The following WDR70 variants were observed in gnomAD, a reference collection of about 807,000 sequenced individuals.
The protein encoded by WDR70 is WD repeat-containing protein 70.
In WDR70, 53 loss-of-function variants were observed where a neutral mutation model predicts 88.6. The ratio of observed to expected loss-of-function variants is 0.60; its 90% CI spans 0.48 to 0.75. The LOEUF (loss-of-function observed/expected upper bound fraction) is 0.75. WDR70 is among the 30% of genes least tolerant of loss of function. The pLI is 0.00. For synonymous variants in WDR70, 280 were observed against 270.0 expected (o/e 1.04, Z -0.36); for missense variants, 610 against 823.2 (o/e 0.74, Z 3.17).
intron 8 of WDR70, among the ~76,000 whole-genome samples, chr5:37,485,738 C>T: frequency 6.6e-6 from 1 of 151,892 alleles, no homozygotes; most frequent in East Asian, 1.9e-4. Context: ...GTTGCTCAGG[C>T]TGGAGTGCAG....
At chr5:37,540,635 C>A (rs1029776994) in intron 9 of WDR70, among the ~76,000 whole-genome samples, 2 of 152,236 alleles carry the variant, frequency 1.3e-5, no homozygotes, top group Admixed American at 1.3e-4. Flanking sequence ...CCGCCTCGGC[C>A]TCCCAAAGTG....
At chr5:37,459,111 T>TATCTACAACTATCTGA (rs1359137500) in intron 7 of WDR70, among the ~76,000 whole-genome samples, 11 of 46,426 alleles carry the variant, frequency 2.4e-4, no homozygotes, top group East Asian at 7.4e-4. Context: ...GAGCAGGTTG[T>TATCTACAACTATCTGA]TCAGTTTCCA....
intron 9 of WDR70, among the ~76,000 whole-genome samples, chr5:37,583,259 T>C (rs1471847269): frequency 1.3e-5 from 2 of 151,958 alleles, no homozygotes; most frequent in Non-Finnish European, 2.9e-5. Flanking sequence ...ACCCCTTCTC[T>C]ACTAAAAATA....
intron 10 of WDR70, among the ~76,000 whole-genome samples, chr5:37,677,910 G>A (rs865880353): frequency 1.3e-5 from 2 of 152,166 alleles, no homozygotes; most frequent in Admixed American, 1.3e-4. Flanking sequence ...ATGAATCTGG[G>A]TGCTCCTGTA....
intron 10 of WDR70, among the ~76,000 whole-genome samples, chr5:37,672,790 C>A (rs1421262835): frequency 1.3e-5 from 2 of 152,110 alleles, no homozygotes; most frequent in African/African-American, 4.8e-5. Flanking sequence ...GCCCACTGTT[C>A]TTGCTCTGTA....
At chr5:37,562,084 G>A (rs141342999) in intron 9 of WDR70, among the ~76,000 whole-genome samples, 2 of 152,292 alleles carry the variant, frequency 1.3e-5, no homozygotes, top group East Asian at 1.9e-4. Flanking sequence ...TAGGCTGGGC[G>A]CGGTGGCTCA....
intron 17 of WDR70, among the ~76,000 whole-genome samples, chr5:37,752,097 T>C (rs572183424): frequency 1.3e-5 from 2 of 152,262 alleles, no homozygotes; most frequent in Middle Eastern, 3.4e-3. Flanking sequence ...TAATAAATGG[T>C]CTTAATAAAG....
At chr5:37,392,902 C>A (rs1469526312) in intron 4 of WDR70, among the ~76,000 whole-genome samples, 2 of 152,122 alleles carry the variant, frequency 1.3e-5, no homozygotes, top group African/African-American at 4.8e-5. Flanking sequence ...GCCTCAGCCT[C>A]CCAAAGTGCT....
At chr5:37,505,619 G>A in intron 8 of WDR70, 1 of 749,090 alleles carries the variant, frequency 1.3e-6, no homozygotes, top group Non-Finnish European at 2.5e-6. Flanking sequence ...ACAACTGAGT[G>A]GGTGGAGAAA....
At chr5:37,457,539 C>A (rs900580001) in intron 7 of WDR70, among the ~76,000 whole-genome samples, 12 of 152,146 alleles carry the variant, frequency 7.9e-5, no homozygotes, top group African/African-American at 2.7e-4. Context: ...AATGCATATA[C>A]CCTCAGACCA....
At chr5:37,652,996 G>A (rs371073955) in intron 10 of WDR70, among the ~76,000 whole-genome samples, 1 of 152,114 alleles carries the variant, frequency 6.6e-6, no homozygotes, top group East Asian at 1.9e-4. Flanking sequence ...AGTGGTGGGA[G>A]GGGGCATCCT....
chr5:37,551,888 C>T (rs796405341), intron 9 of WDR70, among the ~76,000 whole-genome samples: 5 of 149,412 alleles, frequency 3.3e-5, no homozygotes, highest in Non-Finnish European at 7.4e-5. Flanking sequence ...TCACCTGCCT[C>T]AGCCTCCCGA....
chr5:37,476,378 CT>C, intron 7 of WDR70, among the ~76,000 whole-genome samples: 1 of 152,116 alleles, frequency 6.6e-6, no homozygotes. Context: ...TAGTTGTCCC[CT>C]TGTTATAGGC....
intron 9 of WDR70, among the ~76,000 whole-genome samples, chr5:37,557,779 T>C (rs1244311861): frequency 6.6e-6 from 1 of 151,734 alleles, no homozygotes; most frequent in Non-Finnish European, 1.5e-5. Context: ...AATCAACATA[T>C]ATTTCATGGC....
At chr5:37,656,639 C>G (rs1259661776) in intron 10 of WDR70, among the ~76,000 whole-genome samples, 1 of 152,162 alleles carries the variant, frequency 6.6e-6, no homozygotes, top group Non-Finnish European at 1.5e-5. Flanking sequence ...TCAGAGATGC[C>G]CTGCCCAGAG....
At chr5:37,702,002 A>G (rs547460300) in intron 12 of WDR70, among the ~76,000 whole-genome samples, 98 of 152,156 alleles carry the variant, frequency 6.4e-4, no homozygotes, top group Non-Finnish European at 1.2e-3. Context: ...GGTTTTTTTG[A>G]AGCAGCTGAG....
At chr5:37,505,196 G>A (rs917889601) in intron 8 of WDR70, among the ~76,000 whole-genome samples, 2 of 152,072 alleles carry the variant, frequency 1.3e-5, no homozygotes, top group African/African-American at 4.8e-5. Flanking sequence ...CACTCATATT[G>A]TATAAGCTTT....
intron 3 of WDR70, among the ~76,000 whole-genome samples, chr5:37,382,666 A>G (rs1031454483): frequency 4.6e-5 from 7 of 152,054 alleles, no homozygotes; most frequent in African/African-American, 1.7e-4. Context: ...TGCCTCCTAA[A>G]GTGCTGGGAT....
At chr5:37,551,768 G>GTTTTTTT (rs1176757597) in intron 9 of WDR70, among the ~76,000 whole-genome samples, 9 of 92,730 alleles carry the variant, frequency 9.7e-5, no homozygotes, top group African/African-American at 3.7e-4. Flanking sequence ...TCATTGTTTA[G>GTTTTTTT]TTTTTTTTTT....
Sources: gnomAD v4.1 joint callset for allele counts (sites outside exome capture counted in the v4.1 genomes callset) on GRCh38, gnomAD v4.1.1 for gene constraint, MANE v1.5 for transcripts, NCBI Gene and HGNC (gene_info 2026-07-23, HGNC 2026-07-21) for gene names.